Variants in TENM2 observed in about 807,000 individuals in gnomAD.
TENM2 encodes the protein teneurin transmembrane protein 2.
A neutral mutation model predicts 245.2 loss-of-function variants in TENM2; 52 were observed. That is an observed-to-expected ratio of 0.21 (90% confidence interval 0.17 to 0.27). TENM2 has a LOEUF of 0.27. Ranked by LOEUF, TENM2 falls within the 10% of genes least tolerant of loss-of-function variation. The probability of loss-of-function intolerance (pLI) is 1.00; values close to 1 mark genes in which losing one functional copy is unlikely to be tolerated. For missense variants in TENM2, 3,046 were observed against 3,666.8 expected, an observed-to-expected ratio of 0.83 and a Z score of 4.37; for synonymous variants, 1,363 against 1,438.9, an observed-to-expected ratio of 0.95 and a Z score of 1.19.
the TENM2 span, among the ~76,000 whole-genome samples, chr5:167,203,544 T>C: frequency 6.6e-6 from 1 of 152,112 alleles, no homozygotes; most frequent in East Asian, 1.9e-4. Flanking sequence ...GTAGTAGAAA[T>C]TGATAACTTT....
chr5:167,096,425 T>C, the TENM2 span, among the ~76,000 whole-genome samples: 1 of 152,350 alleles, frequency 6.6e-6, no homozygotes, highest in Non-Finnish European at 1.5e-5. Flanking sequence ...AGAGTCACTA[T>C]ACCCTTTTAC....
intron 4 of TENM2, among the ~76,000 whole-genome samples, chr5:167,976,451 G>A (rs923361160): frequency 6.6e-6 from 1 of 152,094 alleles, no homozygotes; most frequent in Non-Finnish European, 1.5e-5. Context: ...CTGCAGTAAT[G>A]TTTACTCCAT....
At chr5:167,003,394 G>A in the TENM2 span, among the ~76,000 whole-genome samples, 2 of 152,178 alleles carry the variant, frequency 1.3e-5, no homozygotes, top group African/African-American at 4.8e-5. Context: ...TTGGGGGAAG[G>A]GCATTTTCAT....
At chr5:167,155,532 G>C in the TENM2 span, among the ~76,000 whole-genome samples, 1,128 of 152,208 alleles carry the variant, frequency 7.4e-3, 15 homozygotes, top group African/African-American at 0.025. Context: ...TCGATGTAGC[G>C]AACAGCAGGA....
chr5:167,006,823 C>A, the TENM2 span, among the ~76,000 whole-genome samples: 1 of 151,954 alleles, frequency 6.6e-6, no homozygotes, highest in Non-Finnish European at 1.5e-5. Context: ...TGTGCCACCA[C>A]GCCTGGCTAA....
At chr5:167,210,483 G>C in the TENM2 span, among the ~76,000 whole-genome samples, 1 of 130,046 alleles carries the variant, frequency 7.7e-6, no homozygotes, top group African/African-American at 3.0e-5. Flanking sequence ...TTGAGACGGA[G>C]TCTTGCTCTG....
At chr5:167,417,769 T>C (rs1763249102) in intron 2 of TENM2, among the ~76,000 whole-genome samples, 2 of 152,162 alleles carry the variant, frequency 1.3e-5, no homozygotes, top group South Asian at 4.1e-4. Context: ...TGTCTGACTT[T>C]GTAGTGAAAC....
intron 2 of TENM2, among the ~76,000 whole-genome samples, chr5:167,527,225 A>T (rs1196376031): frequency 6.6e-6 from 1 of 152,138 alleles, no homozygotes; most frequent in African/African-American, 2.4e-5. Context: ...ACATATCTGA[A>T]ATATGACGTA....
intron 4 of TENM2, among the ~76,000 whole-genome samples, chr5:167,977,812 T>C (rs1782549696): frequency 6.6e-6 from 1 of 152,224 alleles, no homozygotes; most frequent in South Asian, 2.1e-4. Context: ...AAGTTAACCA[T>C]TTTATGACCA....
chr5:168,020,222 A>G (rs1786020779), intron 5 of TENM2, among the ~76,000 whole-genome samples: 1 of 152,228 alleles, frequency 6.6e-6, no homozygotes, highest in Admixed American at 6.5e-5. Flanking sequence ...AGACAAGGTT[A>G]GGGGCTACAA....
At chr5:168,186,254 A>G (rs1209177423) in intron 13 of TENM2, 1 of 152,086 alleles carries the variant, frequency 6.6e-6, no homozygotes, top group Non-Finnish European at 1.5e-5. Flanking sequence ...AAAGGTTTCA[A>G]TTCAGCATTA....
At chr5:167,269,649 A>G in the TENM2 span, among the ~76,000 whole-genome samples, 2 of 152,016 alleles carry the variant, frequency 1.3e-5, no homozygotes, top group Admixed American at 6.6e-5. Context: ...AAAAGGATTT[A>G]TATCACCCAG....
chr5:167,292,216 A>G (rs1165765044), intron 1 of TENM2, among the ~76,000 whole-genome samples: 2 of 152,170 alleles, frequency 1.3e-5, no homozygotes, highest in African/African-American at 4.8e-5. Flanking sequence ...CAGCCAAACC[A>G]TATTATAAGC....
chr5:167,483,919 A>T (rs367835141), intron 2 of TENM2, among the ~76,000 whole-genome samples: 6 of 152,340 alleles, frequency 3.9e-5, no homozygotes, highest in African/African-American at 1.4e-4. Flanking sequence ...TTGACATTTC[A>T]TGGTAGCCTC....
chr5:167,026,624 A>C, the TENM2 span, among the ~76,000 whole-genome samples: 1 of 152,124 alleles, frequency 6.6e-6, no homozygotes, highest in African/African-American at 2.4e-5. Context: ...CTACAAAAAA[A>C]CCTAAGGTCT....
intron 2 of TENM2, among the ~76,000 whole-genome samples, chr5:167,747,887 CCTCT>C (rs1327707595): frequency 6.7e-6 from 1 of 149,104 alleles, no homozygotes; most frequent in African/African-American, 2.5e-5. Flanking sequence ...ATTTCAAGTC[CCTCT>C]CTCTCTATTT....
At chr5:167,044,026 T>TA in the TENM2 span, among the ~76,000 whole-genome samples, 1 of 71,928 alleles carries the variant, frequency 1.4e-5, no homozygotes, top group Non-Finnish European at 2.9e-5. Context: ...CTCAAATAAA[T>TA]AGTAAGGACA....
At chr5:167,625,323 C>T (rs1189121157) in intron 2 of TENM2, among the ~76,000 whole-genome samples, 1 of 152,042 alleles carries the variant, frequency 6.6e-6, no homozygotes, top group Non-Finnish European at 1.5e-5. Context: ...AAGACCATTC[C>T]CTGGCTACAG....
upstream of TENM2, among the ~76,000 whole-genome samples, chr5:167,282,900 C>A (rs1245644598): frequency 6.6e-6 from 1 of 152,064 alleles, no homozygotes; most frequent in Non-Finnish European, 1.5e-5. Context: ...CTAAGCAGGT[C>A]CTGGGGTCAT....
Sources: gnomAD v4.1 joint callset for allele counts (sites outside exome capture counted in the v4.1 genomes callset) on GRCh38, gnomAD v4.1.1 for gene constraint, MANE v1.5 for transcripts, NCBI Gene and HGNC (gene_info 2026-07-23, HGNC 2026-07-21) for gene names.